ABRAXAS2: variants seen among roughly 807,000 people sequenced by gnomAD.
ABRAXAS2 encodes abraxas 2, BRISC complex subunit, also known as BRISC complex subunit Abraxas 2.
A neutral mutation model predicts 49.0 loss-of-function variants in ABRAXAS2; 23 were observed. That is an observed-to-expected ratio of 0.47 (90% CI 0.34 to 0.66). ABRAXAS2 has a LOEUF of 0.66. ABRAXAS2 is among the 30% of genes least tolerant of loss of function. ABRAXAS2 has a pLI of 0.01. For synonymous variants in ABRAXAS2, 168 were observed against 180.2 expected, an observed-to-expected ratio of 0.93 and a Z score of 0.54; for missense variants, 443 against 511.9, an observed-to-expected ratio of 0.87 and a Z score of 1.30.
intron 4 of ABRAXAS2, among the ~76,000 whole-genome samples, chr10:124,822,773 C>T (rs1458865379): frequency 7.8e-6 from 1 of 128,860 alleles, no homozygotes; most frequent in Non-Finnish European, 1.6e-5. Flanking sequence ...GCCTGGGCGA[C>T]AGAGCAAGAC....
chr10:124,807,450 C>G (rs1351184368), intron 2 of ABRAXAS2, among the ~76,000 whole-genome samples: 1 of 150,382 alleles, frequency 6.6e-6, no homozygotes, highest in Non-Finnish European at 1.5e-5. Context: ...GTCAGAAGTT[C>G]GAGACCAGCC....
At chr10:124,802,815 T>C (rs1170369960) in intron 1 of ABRAXAS2, among the ~76,000 whole-genome samples, 1 of 152,168 alleles carries the variant, frequency 6.6e-6, no homozygotes, top group East Asian at 1.9e-4. Flanking sequence ...CAAAGCAAAA[T>C]GGTACACTGC....
chr10:124,803,229 A>T (rs990644325), intron 1 of ABRAXAS2, among the ~76,000 whole-genome samples: 1 of 152,202 alleles, frequency 6.6e-6, no homozygotes, highest in Non-Finnish European at 1.5e-5. Context: ...AATTCAAGAG[A>T]TATCCCTTAA....
chr10:124,809,445 C>T (rs543477925), intron 2 of ABRAXAS2, among the ~76,000 whole-genome samples: 47 of 140,936 alleles, frequency 3.3e-4, no homozygotes, highest in Non-Finnish European at 6.0e-4. Flanking sequence ...CCACCATGCC[C>T]GGCTAATTTT....
At chr10:124,825,513 A>T (rs1950891272) in intron 4 of ABRAXAS2, among the ~76,000 whole-genome samples, 1 of 152,138 alleles carries the variant, frequency 6.6e-6, no homozygotes, top group Non-Finnish European at 1.5e-5. Flanking sequence ...CTCAATGGAG[A>T]AAACATTATT....
chr10:124,826,694 C>A lies in ABRAXAS2; in HGVS notation c.367C>A (p.Pro123Thr). 6.2e-7 allele frequency: 1 copy of A among 1,614,204 alleles called. No individual in the cohort carries two copies. The highest frequency in any genetic ancestry group is 8.5e-7 in the Non-Finnish European group (1 of 1,180,044). Reference sequence around the variant, plus strand: ...GCAGCTCACCCGCATCCTCGGCGTGCCCGACCTCGTCTTTCTTCTCTTCAG... The same window carrying A: ...GCAGCTCACCCGCATCCTCGGCGTGACCGACCTCGTCTTTCTTCTCTTCAG... ...HKQLTRILGV[P>T]DLVFLLFSFI... The change falls in exon 5 of 9, where the codon CCC (proline) becomes ACC (threonine). Residue 123 changes from proline to threonine, a missense_variant. By Grantham distance (38) the Pro-to-Thr change is conservative (BLOSUM62 -1). Coordinates refer to ENST00000298492, the MANE Select transcript of ABRAXAS2 (RefSeq NM_032182.4).
At chr10:124,819,987 T>A (rs1286012210) in intron 4 of ABRAXAS2, among the ~76,000 whole-genome samples, 1 of 152,216 alleles carries the variant, frequency 6.6e-6, no homozygotes, top group Non-Finnish European at 1.5e-5. Context: ...ATACTATGTA[T>A]GGGTTTTACT....
chr10:124,810,955 C>G (rs1469656296), intron 2 of ABRAXAS2, among the ~76,000 whole-genome samples: 1 of 150,540 alleles, frequency 6.6e-6, no homozygotes, highest in Non-Finnish European at 1.5e-5. Context: ...CGTGGTGGCT[C>G]ACGCCTGTAA....
chr10:124,816,653 G>A (rs1950826842), intron 3 of ABRAXAS2, 41 bp downstream of exon 3: 1 of 1,464,932 alleles, frequency 6.8e-7, no homozygotes, highest in East Asian at 2.3e-5. Flanking sequence ...TAAAAGGATT[G>A]ATTGATAAAA....
chr10:124,826,737 A>G lies in ABRAXAS2; in HGVS notation c.410A>G (p.Asn137Ser). Residue 137 changes from asparagine (N) to serine (S), a missense_variant, in exon 5 of 9, where the codon AAC (asparagine) becomes AGC (serine). Asn to Ser is a conservative substitution (Grantham distance 46). Transcript: ENST00000298492. ...FLLFSFISTA[N>S]NSTHALEYVL... is the part of the protein sequence containing the mutation. ...CTCTTCAGCTTCATCTCCACTGCCA[A>G]CAATTCCACTCACGCTTTAGAATAT... is the stretch of plus-strand genomic sequence containing the variant. The G allele has an allele frequency of 1.2e-6, 2 of 1,614,192 alleles. No individual in the cohort carries two copies. The highest frequency in any genetic ancestry group is 4.5e-5 in the East Asian group (2 of 44,878).
intron 3 of ABRAXAS2, 47 bp downstream of exon 3, chr10:124,816,659 TA>T (rs112824853): frequency 7.2e-6 from 10 of 1,385,748 alleles, no homozygotes; most frequent in African/African-American, 1.4e-5. Flanking sequence ...GATTGATTGA[TA>T]AAAAAAACTA....
intron 4 of ABRAXAS2, among the ~76,000 whole-genome samples, chr10:124,823,116 A>G (rs1589807830): frequency 6.6e-6 from 1 of 152,208 alleles, no homozygotes; most frequent in East Asian, 1.9e-4. Flanking sequence ...AGTGGGAGCT[A>G]TATATTTCCT....
At position 124,814,171 on chromosome 10, in the gene ABRAXAS2, A is replaced by G. The variant is rs184114550; in HGVS notation, c.164-2405A>G. Among the ~76,000 whole-genome samples, 3 of 151,224 alleles carry G rather than the reference A, an allele frequency of 2.0e-5. No homozygotes were observed. The East Asian group carries it at 5.9e-4, about 30-fold the overall frequency. On this transcript the variant is annotated intron_variant, in intron 2 of 8. Transcript: ENST00000298492. ...CATGCCCGGCTAATTTTGTATTTTT[A>G]GTAGAGATGGGGTTTCACCTTTTGG...
intron 2 of ABRAXAS2, among the ~76,000 whole-genome samples, chr10:124,810,587 T>C (rs1950780528): frequency 1.3e-5 from 1 of 79,992 alleles, no homozygotes; most frequent in South Asian, 4.8e-4. Context: ...AGGATGTTTT[T>C]GGTTTTTTTT....
chr10:124,829,378 C>T lies in ABRAXAS2; in HGVS notation c.579-15C>T. 1.3e-6 allele frequency: 2 copies of T among 1,573,278 alleles called. No homozygotes were observed. Among genetic ancestry groups the T allele is most frequent in the Admixed American group, 1.8e-5 (1 of 56,720 alleles). ...ATGATAACCTTGAGGCATCTTTTTT[C>T]TGTTTGTCTTCCAGTACTGACTTTT... On this transcript the variant is annotated splice_polypyrimidine_tract_variant and intron_variant, in intron 6 of 8. Transcript: ENST00000298492.
chr10:124,829,015 A>G, intron 6 of ABRAXAS2, 140 bp downstream of exon 6: 3 of 758,976 alleles, frequency 4.0e-6, no homozygotes, highest in South Asian at 2.1e-5. Flanking sequence ...GTAATTGTCT[A>G]GATACCACCA....
chr10:124,809,909 T>C (rs892542240), intron 2 of ABRAXAS2, among the ~76,000 whole-genome samples: 3 of 151,836 alleles, frequency 2.0e-5, no homozygotes, highest in Non-Finnish European at 2.9e-5. Flanking sequence ...TGCGCCACCA[T>C]GCCCGGCTAA....
intron 2 of ABRAXAS2, 122 bp downstream of exon 2, chr10:124,807,043 T>C: frequency 1.4e-6 from 1 of 720,534 alleles, no homozygotes; most frequent in Non-Finnish European, 2.3e-6. Flanking sequence ...CCAGGCGCGG[T>C]GGCTCACGCC....
chr10:124,812,501 G>C (rs1202187994), intron 2 of ABRAXAS2, among the ~76,000 whole-genome samples: 2 of 152,156 alleles, frequency 1.3e-5, no homozygotes, highest in Non-Finnish European at 1.5e-5. Flanking sequence ...AAATTAGCTA[G>C]GCATGGTGGC....
Sources: allele counts gnomAD v4.1 joint callset (sites outside exome capture counted in the v4.1 genomes callset), GRCh38; gene constraint gnomAD v4.1.1; transcripts MANE v1.5; gene names NCBI Gene and HGNC (gene_info 2026-07-23, HGNC 2026-07-21).